The following CPED1 variants were observed in gnomAD, a reference collection of about 807,000 sequenced individuals.
CPED1 encodes cadherin like and PC-esterase domain containing 1.
In CPED1, 114 loss-of-function variants were observed where a neutral mutation model predicts 128.2. That is an observed-to-expected ratio of 0.89 (90% CI 0.76 to 1.04). The LOEUF (loss-of-function observed/expected upper bound fraction) is 1.04. Ranked by LOEUF, CPED1 falls within the 50% of genes least tolerant of loss-of-function variation. CPED1 has a pLI of 0.00. For synonymous variants in CPED1, 462 were observed against 426.7 expected (o/e 1.08, Z -1.02); for missense variants, 1,211 against 1,207.1 (o/e 1.00, Z -0.05).
chr7:121,046,337 T>G (rs902925071), intron 3 of CPED1, among the ~76,000 whole-genome samples: 1 of 152,150 alleles, frequency 6.6e-6, no homozygotes, highest in Non-Finnish European at 1.5e-5. Flanking sequence ...TTATTTTCAT[T>G]GAATTTAATT....
intron 3 of CPED1, among the ~76,000 whole-genome samples, chr7:121,041,835 A>G (rs1793061987): frequency 1.3e-5 from 2 of 152,192 alleles, no homozygotes; most frequent in African/African-American, 2.4e-5. Context: ...GCCATTTTAT[A>G]TCTGAATTAA....
intron 22 of CPED1, among the ~76,000 whole-genome samples, chr7:121,271,770 G>A (rs1182178833): frequency 1.3e-5 from 2 of 152,062 alleles, no homozygotes; most frequent in African/African-American, 4.8e-5. Context: ...AGGTGGCAAA[G>A]GTTTTCAGTA....
chr7:121,078,288 C>G (rs1324606510), intron 5 of CPED1, among the ~76,000 whole-genome samples: 2 of 152,010 alleles, frequency 1.3e-5, no homozygotes, highest in African/African-American at 4.8e-5. Context: ...TGTGATCCAC[C>G]CTCCTTGGCC....
chr7:121,180,552 C>T (rs916876866), intron 16 of CPED1, among the ~76,000 whole-genome samples: 2 of 151,930 alleles, frequency 1.3e-5, no homozygotes, highest in African/African-American at 4.8e-5. Context: ...ATTATCTGTA[C>T]ACTCTTGTCT....
chr7:121,009,540 G>A (rs1156811693), intron 2 of CPED1, among the ~76,000 whole-genome samples: 1 of 149,804 alleles, frequency 6.7e-6, no homozygotes, highest in Non-Finnish European at 1.5e-5. Flanking sequence ...CTGAGAGGAG[G>A]AGGTTGTAGT....
intron 16 of CPED1, among the ~76,000 whole-genome samples, chr7:121,216,732 A>T (rs945925052): frequency 6.6e-6 from 1 of 152,048 alleles, no homozygotes; most frequent in Admixed American, 6.6e-5. Context: ...AAGACAAATT[A>T]TGTGCCATAT....
intron 5 of CPED1, among the ~76,000 whole-genome samples, chr7:121,090,890 A>C (rs12534510): frequency 0.56 from 85,334 of 151,902 alleles, 24,467 homozygotes; most frequent in East Asian, 0.83. Context: ...CAGAGGTTGT[A>C]GTGAGCCGAG....
intron 16 of CPED1, among the ~76,000 whole-genome samples, chr7:121,198,539 G>A (rs949635654): frequency 1.3e-5 from 2 of 151,978 alleles, no homozygotes; most frequent in Non-Finnish European, 2.9e-5. Context: ...GTTTTTGCCC[G>A]GACTCATACT....
intron 5 of CPED1, among the ~76,000 whole-genome samples, chr7:121,087,294 G>A (rs1400887759): frequency 6.6e-6 from 1 of 152,010 alleles, no homozygotes; most frequent in Non-Finnish European, 1.5e-5. Flanking sequence ...ACTCCCTCTA[G>A]CTCACTAAAA....
intron 8 of CPED1, among the ~76,000 whole-genome samples, chr7:121,124,847 A>T (rs1795467386): frequency 6.6e-6 from 1 of 152,228 alleles, no homozygotes; most frequent in African/African-American, 2.4e-5. Flanking sequence ...CTGATTTCAT[A>T]ATGCAGAGGA....
chr7:121,078,800 TCCC>T (rs1205710730), intron 5 of CPED1, among the ~76,000 whole-genome samples: 4 of 152,096 alleles, frequency 2.6e-5, no homozygotes, highest in African/African-American at 9.7e-5. Flanking sequence ...CTGAGGCTGC[TCCC>T]ATGGGCACTG....
intron 3 of CPED1, among the ~76,000 whole-genome samples, chr7:121,028,430 G>A (rs764455456): frequency 6.6e-6 from 1 of 152,152 alleles, no homozygotes; most frequent in African/African-American, 2.4e-5. Flanking sequence ...TTGGTAAGAA[G>A]CCCCACACTG....
chr7:121,030,158 C>T (rs1792692719), intron 3 of CPED1, among the ~76,000 whole-genome samples: 1 of 152,158 alleles, frequency 6.6e-6, no homozygotes, highest in Non-Finnish European at 1.5e-5. Flanking sequence ...CACACAGACA[C>T]ACACACACGA....
intron 16 of CPED1, among the ~76,000 whole-genome samples, chr7:121,210,567 C>T (rs1393395010): frequency 3.9e-5 from 6 of 151,966 alleles, no homozygotes; most frequent in Admixed American, 1.3e-4. Context: ...GAAAGACAAA[C>T]TTCACATGTT....
intron 16 of CPED1, among the ~76,000 whole-genome samples, chr7:121,145,252 T>C (rs1440131956): frequency 6.6e-6 from 1 of 152,036 alleles, no homozygotes; most frequent in Non-Finnish European, 1.5e-5. Context: ...GTTTCTCCAA[T>C]GTTGTATTGA....
At chr7:121,193,544 C>A (rs1299201227) in intron 16 of CPED1, among the ~76,000 whole-genome samples, 1 of 152,032 alleles carries the variant, frequency 6.6e-6, no homozygotes, top group Non-Finnish European at 1.5e-5. Context: ...CATGGATCAT[C>A]TGAAAATTTC....
In CPED1 at chr7:121,140,825, A is replaced by G. The variant is rs1246008997; in HGVS notation, c.1700-2A>G. ...TTGTCATTGTTTTTGTTTTTTTAAC[A>G]GATGAAAACACACCATGTCATATCA... On this transcript the variant is annotated splice_acceptor_variant, in intron 14 of 22. Transcript: ENST00000310396. LOFTEE classifies it high-confidence loss of function. The G allele has an allele frequency of 1.2e-6, 2 of 1,600,200 alleles. No homozygotes were observed. Among genetic ancestry groups the G allele is most frequent in the African/African-American group, 1.4e-5 (1 of 73,884 alleles).
chr7:121,263,254 G>A (rs2116739515), intron 18 of CPED1, among the ~76,000 whole-genome samples: 1 of 152,148 alleles, frequency 6.6e-6, no homozygotes, highest in South Asian at 2.1e-4. Context: ...GAACTTTCCA[G>A]CCATGCTTCA....
At chr7:121,251,997 C>T (rs1260697865) in intron 18 of CPED1, among the ~76,000 whole-genome samples, 1 of 151,684 alleles carries the variant, frequency 6.6e-6, no homozygotes, top group Non-Finnish European at 1.5e-5. Flanking sequence ...AAAGAGCCCG[C>T]ATTGCCAAGT....
Sources: allele counts gnomAD v4.1 joint callset (sites outside exome capture counted in the v4.1 genomes callset), GRCh38; gene constraint gnomAD v4.1.1; transcripts MANE v1.5; gene names NCBI Gene and HGNC (gene_info 2026-07-23, HGNC 2026-07-21).